The following SPTAN1 variants were observed in gnomAD, a reference collection of about 807,000 sequenced individuals.
The protein encoded by SPTAN1 is spectrin alpha chain, non-erythrocytic 1.
A neutral mutation model predicts 331.3 loss-of-function variants in SPTAN1; 61 were observed. The ratio of observed to expected loss-of-function variants is 0.18; its 90% confidence interval spans 0.15 to 0.23. The LOEUF (loss-of-function observed/expected upper bound fraction) is 0.23, where lower values mean the gene tolerates loss of function less well. SPTAN1 is among the 10% of genes least tolerant of loss of function. The pLI is 1.00. For missense variants in SPTAN1, 2,043 were observed against 3,147.9 expected (o/e 0.65, Z 8.40); for synonymous variants, 1,153 against 1,173.9 (o/e 0.98, Z 0.36).
In SPTAN1 at chr9:128,584,748, T is replaced by A. The variant is rs1296366833; in HGVS notation, c.2465T>A (p.Leu822Gln). Residue 822 changes from leucine to glutamine, a missense_variant, in exon 18 of 57, where the codon CTG becomes CAG. Physicochemically the swap from Leu to Gln is moderately radical, Grantham distance 113. Coordinates refer to ENST00000372739, the MANE Select transcript of SPTAN1 (RefSeq NM_001130438.3). ...RGKDLIGVQN[L>Q]LKKHQALQAE... ...AAGGATTTAATTGGGGTCCAGAATCTGCTAAAGAAACATCAAGCCTTACAA... is the reference window on the plus strand; with the variant it reads ...AAGGATTTAATTGGGGTCCAGAATCAGCTAAAGAAACATCAAGCCTTACAA... The A allele has an allele frequency of 6.2e-7, 1 of 1,614,230 alleles. No homozygotes were observed. The highest frequency in any genetic ancestry group is 2.2e-5 in the East Asian group (1 of 44,886).
chr9:128,627,563 TC>T lies in SPTAN1; in HGVS notation c.6689+67del. On this transcript the variant is annotated intron_variant, in intron 50 of 56. Transcript: ENST00000372739. This position sits in a 1 kb window ranked among gnomAD's most constrained non-coding sequence, Gnocchi z 4.9. ...TGCTGTACTTAAGCCCTGGGGAGCT[TC>T]CAGCCCCAAGGAGGTGGTGGTGCTT... The T allele has an allele frequency of 7.0e-7, 1 of 1,433,098 alleles. No individual in the cohort carries two copies. The highest frequency in any genetic ancestry group is 9.6e-7 in the Non-Finnish European group (1 of 1,039,800). The allele number at this position is 1,433,098 out of a possible 1,614,324, so 88.8% of individuals were successfully genotyped here.
intron 22 of SPTAN1, among the ~76,000 whole-genome samples, chr9:128,592,134 T>G (rs894780182): frequency 5.5e-4 from 84 of 152,192 alleles, no homozygotes; most frequent in Non-Finnish European, 2.6e-4. Flanking sequence ...TTGGGAAATA[T>G]CCAGGAAATA....
intron 1 of SPTAN1, among the ~76,000 whole-genome samples, chr9:128,554,960 G>T (rs1848477787): frequency 6.6e-6 from 1 of 152,216 alleles, no homozygotes; most frequent in African/African-American, 2.4e-5. Flanking sequence ...ATGAAGTCAT[G>T]CTCTTTTATT....
chr9:128,623,444 C>T (rs775974591), intron 45 of SPTAN1, among the ~76,000 whole-genome samples: 4 of 151,170 alleles, frequency 2.6e-5, no homozygotes, highest in Admixed American at 6.6e-5. Context: ...ATCTTAACTT[C>T]AAATTTCAGC....
chr9:128,621,314 A>G (rs1299073808), intron 45 of SPTAN1, 58 bp downstream of exon 45: 16 of 1,470,138 alleles, frequency 1.1e-5, no homozygotes, highest in Non-Finnish European at 1.4e-5. Flanking sequence ...ACGTGTTGGT[A>G]CCACAGAGGT....
In SPTAN1 at chr9:128,629,384, CTG is replaced by C. The variant is rs1859308449; in HGVS notation, c.6708-934_6708-933del. The stretch of plus-strand genomic sequence containing the variant: ...TTTTCCCCGGGGGGACATGGCGTGA[CTG>C]TGAGTCTGACCTGCTGGGGTAGGAG... On this transcript the variant is annotated intron_variant, in intron 51 of 56. Coordinates refer to ENST00000372739, the MANE Select transcript of SPTAN1 (RefSeq NM_001130438.3). This position sits in a 1 kb window ranked among gnomAD's most constrained non-coding sequence, Gnocchi z 4.9. Among the ~76,000 whole-genome samples, 2 of 152,050 alleles carry C rather than the reference CTG, an allele frequency of 1.3e-5. No homozygotes were observed. The highest frequency in any genetic ancestry group is 2.4e-5 in the African/African-American group (1 of 41,492).
In SPTAN1 at chr9:128,627,202, G is replaced by C. The variant is rs547293141; in HGVS notation, c.6577-184G>C. 906 of 655,086 alleles carry C rather than the reference G, an allele frequency of 1.4e-3. 1 individual carries two copies. Among genetic ancestry groups the C allele is most frequent in the Non-Finnish European group, 2.2e-3 (808 of 361,622 alleles). 40.6% of individuals were successfully genotyped at this position (655,086 alleles called of 1,614,324 possible). ...TCCGCCTCTTCCTTGAAGCCCCTGG[G>C]GGGTGGGAACAGAGAAAGAACTACC... On this transcript the variant is annotated intron_variant, in intron 49 of 56. Coordinates refer to ENST00000372739, the MANE Select transcript of SPTAN1 (RefSeq NM_001130438.3). The surrounding 1 kb of genome is among the most constrained non-coding windows in gnomAD (Gnocchi z 4.9).
At position 128,575,344 on chromosome 9, in the gene SPTAN1, A is replaced by T. The variant is rs765740646; in HGVS notation, c.650A>T (p.Gln217Leu). The change falls in exon 5 of 57, where the codon CAG (glutamine) becomes CTG (leucine). Residue 217 changes from glutamine (Q) to leucine (L), a missense_variant and splice_region_variant. Coordinates refer to ENST00000372739, the MANE Select transcript of SPTAN1 (RefSeq NM_001130438.3). ...AACCAGTTTGCTGCCAAACTCATACAGGTAAATAGCAAAGTGCTGTATGCT... is the reference window on the plus strand; with the variant it reads ...AACCAGTTTGCTGCCAAACTCATACTGGTAAATAGCAAAGTGCTGTATGCT... ...EVNQFAAKLI[Q>L]EQHPEEELIK... is the part of the protein sequence containing the mutation. 1 of 1,611,152 alleles carries T rather than the reference A, an allele frequency of 6.2e-7. No individual in the cohort carries two copies. The highest frequency in any genetic ancestry group is 1.7e-5 in the Admixed American group (1 of 60,022).
chr9:128,559,714 A>T (rs1022877955), intron 1 of SPTAN1, among the ~76,000 whole-genome samples: 4 of 152,000 alleles, frequency 2.6e-5, no homozygotes, highest in Admixed American at 6.6e-5. Flanking sequence ...GTTTACCAAG[A>T]CTCAATCTTA....
Position 128,621,041 on chromosome 9 carries a change from G to T in SPTAN1, c.5734-117G>T, listed in dbSNP as rs554045370. 8 of 814,276 alleles carry T rather than the reference G, an allele frequency of 9.8e-6. No individual in the cohort carries two copies. In the African/African-American group the frequency reaches 1.2e-4, roughly 12 times the overall value. 50.4% of individuals were successfully genotyped at this position (814,276 alleles called of 1,614,324 possible). A position where few individuals can be genotyped will look rare whatever the true frequency, so the allele number is the denominator to read the frequency against. On this transcript the variant is annotated intron_variant, in intron 44 of 56. Transcript: ENST00000372739. ...TCTTTATTATCCTCTTCCCCAGCTAGACTGTAATGTGTGCATGGACAGGGA... is the reference window on the plus strand; with the variant it reads ...TCTTTATTATCCTCTTCCCCAGCTATACTGTAATGTGTGCATGGACAGGGA...
intron 3 of SPTAN1, among the ~76,000 whole-genome samples, chr9:128,571,719 A>T (rs80024923): frequency 6.6e-6 from 1 of 152,170 alleles, no homozygotes; most frequent in Admixed American, 6.5e-5. Flanking sequence ...GGTGGCCATT[A>T]TTTCCCTATT....
intron 21 of SPTAN1, among the ~76,000 whole-genome samples, chr9:128,590,870 T>A (rs1166359535): frequency 1.3e-5 from 2 of 151,628 alleles, no homozygotes; most frequent in Non-Finnish European, 2.9e-5. Context: ...GAGTTCTAAC[T>A]CAATGAAAGT....
intron 32 of SPTAN1, 55 bp downstream of exon 32, chr9:128,607,758 G>C: frequency 6.2e-7 from 1 of 1,611,474 alleles, no homozygotes. Context: ...CAGGGCCCTA[G>C]AGGCCTCATT....
intron 1 of SPTAN1, among the ~76,000 whole-genome samples, chr9:128,565,095 G>C (rs1171697900): frequency 6.6e-6 from 1 of 152,162 alleles, no homozygotes; most frequent in African/African-American, 2.4e-5. Flanking sequence ...ACGAGGTCAA[G>C]AGATCGAGAC....
chr9:128,554,318 G>A (rs912927230), intron 1 of SPTAN1, among the ~76,000 whole-genome samples: 5 of 152,272 alleles, frequency 3.3e-5, no homozygotes, highest in Middle Eastern at 3.4e-3. Context: ...ATATGCTTTG[G>A]TCTTGGCAGT....
In SPTAN1 at chr9:128,605,404, G is replaced by A; in HGVS notation, c.3973G>A (p.Gly1325Arg). The A allele has an allele frequency of 6.2e-7, 1 of 1,614,178 alleles. No homozygotes were observed. Among genetic ancestry groups the A allele is most frequent in the Non-Finnish European group, 8.5e-7 (1 of 1,180,044 alleles). ...GTTAAACCAGGCCTGGAGCAGCCTG[G>A]GGAAACGTGCAGATCAGCGCAAGGC... is the stretch of plus-strand genomic sequence containing the variant. ...TELNQAWSSL[G>R]KRADQRKAKL... Residue 1325 changes from glycine to arginine, a missense_variant, in exon 31 of 57, where the codon GGG becomes AGG. By Grantham distance (125) the Gly-to-Arg change is moderately radical. This residue lies in a region of SPTAN1 where 179 missense variants were observed against 215.7 expected (regional missense o/e 0.83). Transcript: ENST00000372739.
chr9:128,567,160 T>G (rs1383764203), intron 2 of SPTAN1, among the ~76,000 whole-genome samples, 183 bp downstream of exon 2: 2 of 152,212 alleles, frequency 1.3e-5, no homozygotes, highest in African/African-American at 4.8e-5. Flanking sequence ...CTTAGAGGTA[T>G]TAATTGTCTT....
chr9:128,633,243 C>T lies in SPTAN1; in HGVS notation c.7343C>T (p.Ser2448Phe), dbSNP rs1248425869. The T allele has an allele frequency of 1.9e-6, 3 of 1,614,004 alleles. No homozygotes were observed. The African/African-American group carries it at 4.0e-5, about 22-fold the overall frequency. The stretch of plus-strand genomic sequence containing the variant: ...CGGGAACAAGCCGACTACTGCGTCT[C>T]CCACATGAAGCCCTACGTGGACGGC... ...LTREQADYCV[S>F]HMKPYVDGKG... The change falls in exon 57 of 57, where the codon TCC (serine) becomes TTC (phenylalanine). Residue 2448 changes from serine to phenylalanine, a missense_variant. Ser to Phe is a radical substitution (Grantham distance 155). Coordinates refer to ENST00000372739, the MANE Select transcript of SPTAN1 (RefSeq NM_001130438.3).
At chr9:128,568,673 G>A in intron 2 of SPTAN1, 99 bp from the exon 3 acceptor site, 1 of 1,528,512 alleles carries the variant, frequency 6.5e-7, no homozygotes, top group African/African-American at 1.4e-5. Flanking sequence ...CTAACTAGAG[G>A]GAGCAGGATT....
Sources: gnomAD v4.1 joint callset for allele counts (sites outside exome capture counted in the v4.1 genomes callset) on GRCh38, gnomAD v4.1.1 for gene constraint, gnomAD v4.1.1 regional missense constraint, Gnocchi (gnomAD v3.1) non-coding constraint, MANE v1.5 for transcripts, NCBI Gene and HGNC (gene_info 2026-07-23, HGNC 2026-07-21) for gene names.